CFAP91: variants seen among roughly 807,000 people sequenced by gnomAD.
CFAP91 encodes the protein cilia- and flagella-associated protein 91.
A neutral mutation model predicts 95.9 loss-of-function variants in CFAP91; 85 were observed. The ratio of observed to expected loss-of-function variants is 0.89; its 90% CI spans 0.74 to 1.06. The LOEUF is 1.06. CFAP91 is among the 50% of genes least tolerant of loss of function. The pLI, the probability that CFAP91 is intolerant of heterozygous loss-of-function variation, is 0.00. For missense variants in CFAP91, 962 were observed against 943.4 expected (o/e 1.02, Z -0.26); for synonymous variants, 335 against 327.5 (o/e 1.02, Z -0.25).
At chr3:119,736,417 G>A (rs1421963404) in intron 10 of CFAP91, among the ~76,000 whole-genome samples, 2 of 150,534 alleles carry the variant, frequency 1.3e-5, no homozygotes, top group African/African-American at 4.9e-5. Context: ...GACTACAGGC[G>A]CCCACCACCA....
intron 17 of CFAP91, among the ~76,000 whole-genome samples, chr3:119,757,733 C>T (rs746800590): frequency 5.9e-5 from 9 of 152,014 alleles, no homozygotes; most frequent in South Asian, 2.1e-4. Context: ...TAGAATATTA[C>T]GCCCAACAAC....
intron 16 of CFAP91, among the ~76,000 whole-genome samples, chr3:119,748,425 A>G (rs888827438): frequency 2.0e-5 from 3 of 152,194 alleles, no homozygotes; most frequent in Admixed American, 6.5e-5. Context: ...TTAAAGATTG[A>G]TGCTTTTAGT....
chr3:119,738,539 G>A (rs369667351), intron 11 of CFAP91, among the ~76,000 whole-genome samples: 1 of 151,214 alleles, frequency 6.6e-6, no homozygotes, highest in African/African-American at 2.4e-5. Flanking sequence ...AGTAGAGATG[G>A]GGTGTTGCCA....
At chr3:119,758,547 A>G (rs2054476035) in intron 17 of CFAP91, among the ~76,000 whole-genome samples, 1 of 152,206 alleles carries the variant, frequency 6.6e-6, no homozygotes, top group Non-Finnish European at 1.5e-5. Flanking sequence ...TTTATCTGCA[A>G]TGGAAGCATG....
intron 9 of CFAP91, 34 bp downstream of exon 9, chr3:119,732,510 A>G: frequency 7.3e-7 from 1 of 1,371,356 alleles, no homozygotes; most frequent in Non-Finnish European, 1.0e-6. Context: ...ATCCAGTATA[A>G]GAAGGTTGTC....
At chr3:119,703,648 T>G (rs2053302901) in intron 1 of CFAP91, among the ~76,000 whole-genome samples, 1 of 152,072 alleles carries the variant, frequency 6.6e-6, no homozygotes, top group Non-Finnish European at 1.5e-5. Flanking sequence ...TGTTTTTAGG[T>G]TTTTTGTTGT....
intron 1 of CFAP91, 155 bp from the exon 2 acceptor site, chr3:119,706,654 A>AC (rs998372796): frequency 1.7e-6 from 1 of 596,268 alleles, no homozygotes; most frequent in African/African-American, 1.9e-5. Context: ...TAACAGGGCC[A>AC]CATGCACAAC....
chr3:119,758,806 T>C (rs1036441839), intron 17 of CFAP91, among the ~76,000 whole-genome samples: 12 of 151,918 alleles, frequency 7.9e-5, no homozygotes, highest in African/African-American at 2.2e-4. Flanking sequence ...AAAGATGAAA[T>C]GAGAAAGAGG....
rs141246031 is a variant in CFAP91, at chr3:119,744,144, G to A, written c.1850G>A (p.Arg617Gln). Residue 617 changes from arginine (R) to glutamine (Q), a missense_variant, in exon 14 of 18, where the codon CGG becomes CAG. Transcript: ENST00000273390. ...GTACGAGAGGCTGAAGAGAGTGGTCGGCGCCAGGTGGAAAAACAGCGCCTG... is the reference window on the plus strand; with the variant it reads ...GTACGAGAGGCTGAAGAGAGTGGTCAGCGCCAGGTGGAAAAACAGCGCCTG... ...RRVREAEESG[R>Q]RQVEKQRLRE... The A allele has an allele frequency of 4.2e-5, 67 of 1,613,740 alleles. No homozygotes were observed. Among genetic ancestry groups the A allele is most frequent in the Admixed American group, 8.3e-5 (5 of 60,008 alleles).
chr3:119,715,816 T>C lies in CFAP91; in HGVS notation c.682+73T>C. ...CCACGCATGCTGTTCAAATGGCCCA[T>C]GTACAGGCAATTGTGGTTTACAGTG... On this transcript the variant is annotated intron_variant, in intron 6 of 17. Transcript: ENST00000273390. 8 of 1,346,076 alleles carry C rather than the reference T, an allele frequency of 5.9e-6. 1 individual carries two copies. The African/African-American group carries it at 7.2e-5, about 12-fold the overall frequency. 83.4% of individuals were successfully genotyped at this position (1,346,076 alleles called of 1,614,324 possible).
At chr3:119,762,205 AAAG>A (rs758907076) in intron 17 of CFAP91, among the ~76,000 whole-genome samples, 1 of 151,904 alleles carries the variant, frequency 6.6e-6, no homozygotes, top group Non-Finnish European at 1.5e-5. Context: ...ACTATACAAA[AAAG>A]AAATCAAGAA....
chr3:119,747,847 G>T lies in CFAP91; in HGVS notation c.2088G>T (p.Glu696Asp). The change falls in exon 16 of 18, where the codon GAG becomes GAT. Residue 696 changes from glutamate (E) to aspartate (D), a missense_variant. Transcript: ENST00000273390. ...TYLQSEEIVA[E>D]LVYSFLIPEV... ...TTCAGTCAGAGGAGATTGTTGCTGA[G>T]TTGGTTTATAGTTTTCTGATCCCAG... is the stretch of plus-strand genomic sequence containing the variant. 3.1e-6 allele frequency: 5 copies of T among 1,613,630 alleles called. No homozygotes were observed. The highest frequency in any genetic ancestry group is 4.2e-6 in the Non-Finnish European group (5 of 1,179,790).
Position 119,709,921 on chromosome 3 carries a change from T to C in CFAP91, c.500+26T>C, listed in dbSNP as rs376027333. On this transcript the variant is annotated intron_variant, in intron 5 of 17. Coordinates refer to ENST00000273390, the MANE Select transcript of CFAP91 (RefSeq NM_033364.4). ...GTAAGTAACCATTATTTGAAAACTC[T>C]TTTTCAGTTTATTTATTGTTTGCTT... The C allele has an allele frequency of 1.7e-5, 26 of 1,525,424 alleles. No individual in the cohort carries two copies. In the African/African-American group the frequency reaches 3.6e-4, roughly 21 times the overall value. 94.5% of individuals were successfully genotyped at this position (1,525,424 alleles called of 1,614,324 possible).
intron 16 of CFAP91, among the ~76,000 whole-genome samples, chr3:119,749,662 C>T (rs2054288866): frequency 6.6e-6 from 1 of 152,128 alleles, no homozygotes; most frequent in South Asian, 2.1e-4. Context: ...TTAGCCTCTT[C>T]CCTTTATATT....
intron 7 of CFAP91, among the ~76,000 whole-genome samples, chr3:119,728,564 C>T (rs1320967004): frequency 6.6e-6 from 1 of 152,158 alleles, no homozygotes; most frequent in Non-Finnish European, 1.5e-5. Flanking sequence ...ATTTCTGACT[C>T]TAAAGAGAAA....
chr3:119,765,667 A>G lies in CFAP91; in HGVS notation c.*617A>G, dbSNP rs1296959930. ...TAGATCTAAGAAGTGTGTTCATGCAACAGCCATAGAGATGGTGCTATTGAA... is the reference window on the plus strand; with the variant it reads ...TAGATCTAAGAAGTGTGTTCATGCAGCAGCCATAGAGATGGTGCTATTGAA... On this transcript the variant is annotated 3_prime_UTR_variant, in exon 18 of 18. Coordinates refer to ENST00000273390, the MANE Select transcript of CFAP91 (RefSeq NM_033364.4). The G allele has an allele frequency of 6.6e-6, 1 of 152,224 alleles. No individual in the cohort carries two copies. The highest frequency in any genetic ancestry group is 1.9e-4 in the East Asian group (1 of 5,202). The allele number at this position is 152,224 out of a possible 1,614,324, so 9.4% of individuals were successfully genotyped here. A position where few individuals can be genotyped will look rare whatever the true frequency, so the allele number is the denominator to read the frequency against.
rs368418071 is a variant in CFAP91 at position 119,703,140 on chromosome 3, G to A, written c.42G>A (p.Pro14=). 6.3e-6 allele frequency: 10 copies of A among 1,586,994 alleles called. No homozygotes were observed. The highest frequency in any genetic ancestry group is 5.4e-5 in the African/African-American group (4 of 74,482). ...CCATCGAGGAGCCCCAGGCCCAGCCGCAGGTGTCTCAAACTCGGTACCGGG... is the reference window on the plus strand; with the variant it reads ...CCATCGAGGAGCCCCAGGCCCAGCCACAGGTGTCTCAAACTCGGTACCGGG... ...AVTIEEPQAQ[P]QVSQTRYRER... Residue 14 remains proline, a synonymous_variant, in exon 1 of 18, where the codon CCG becomes CCA. Transcript: ENST00000273390.
chr3:119,706,661 C>T, intron 1 of CFAP91, 148 bp from the exon 2 acceptor site: 1 of 640,100 alleles, frequency 1.6e-6, no homozygotes, highest in Non-Finnish European at 2.8e-6. Context: ...GCCACATGCA[C>T]AACAGAGCAT....
rs1371419940 is a variant in CFAP91, at chr3:119,737,574, G to T, written c.1461+92G>T. On this transcript the variant is annotated intron_variant, in intron 11 of 17. Transcript: ENST00000273390. ...TTTAGCTTAAAGCAAATCTAATTTA[G>T]CAGTGTTAGTTTCCCAAGCTCTGAC... The T allele has an allele frequency of 6.8e-6, 5 of 737,992 alleles. No homozygotes were observed. The African/African-American group carries it at 7.2e-5, about 11-fold the overall frequency. 45.7% of individuals were successfully genotyped at this position (737,992 alleles called of 1,614,324 possible). A position where few individuals can be genotyped will look rare whatever the true frequency, so the allele number is the denominator to read the frequency against.
Sources: gnomAD v4.1 joint callset for allele counts (sites outside exome capture counted in the v4.1 genomes callset) on GRCh38, gnomAD v4.1.1 for gene constraint, MANE v1.5 for transcripts, NCBI Gene and HGNC (gene_info 2026-07-23, HGNC 2026-07-21) for gene names.